TMEM217B: variants seen among roughly 807,000 people sequenced by gnomAD.
The protein encoded by TMEM217B is transmembrane protein 217B.
chr6:37,215,372 C>A, the TMEM217B span: 28 of 1,438,854 alleles, frequency 1.9e-5, no homozygotes, highest in Admixed American at 4.1e-5. Context: ...GTCAGGAGTT[C>A]AAGACCAGTC....
the TMEM217B span, among the ~76,000 whole-genome samples, chr6:37,216,370 C>T: frequency 5.3e-5 from 8 of 152,200 alleles, no homozygotes; most frequent in East Asian, 1.2e-3. Context: ...TGAGCCCCTG[C>T]GCCTGGCCCG....
At chr6:37,245,598 T>C in the TMEM217B span, among the ~76,000 whole-genome samples, 1 of 152,108 alleles carries the variant, frequency 6.6e-6, no homozygotes, top group Non-Finnish European at 1.5e-5. Context: ...ATGAGTTTCA[T>C]AGAGTGGGAA....
chr6:37,238,709 A>G, the TMEM217B span, among the ~76,000 whole-genome samples: 1 of 152,240 alleles, frequency 6.6e-6, no homozygotes, highest in East Asian at 1.9e-4. Context: ...TTACTGAAGC[A>G]ACAAGCATGA....
At chr6:37,212,227 A>G in the TMEM217B span, 1 of 334,588 alleles carries the variant, frequency 3.0e-6, no homozygotes, top group Non-Finnish European at 5.9e-6. Context: ...TGCTAAAACA[A>G]GTCACACAAC....
the TMEM217B span, among the ~76,000 whole-genome samples, chr6:37,243,883 G>T: frequency 2.5e-4 from 38 of 152,162 alleles, no homozygotes; most frequent in Non-Finnish European, 4.6e-4. Flanking sequence ...CCTCTGGATG[G>T]GGGGGTGCAC....
At chr6:37,250,385 TTAGTTTTATACA>T in the TMEM217B span, among the ~76,000 whole-genome samples, 1 of 152,190 alleles carries the variant, frequency 6.6e-6, no homozygotes, top group Admixed American at 6.5e-5. Context: ...ACTGTGCATA[TTAGTTTTATACA>T]TTCTCTTGTG....
the TMEM217B span, among the ~76,000 whole-genome samples, chr6:37,226,374 G>C: frequency 7.8e-6 from 1 of 128,930 alleles, no homozygotes; most frequent in Non-Finnish European, 1.6e-5. Context: ...CTCACTGCAA[G>C]CTCCGCCTCC....
chr6:37,221,947 G>A, the TMEM217B span, among the ~76,000 whole-genome samples: 1 of 152,122 alleles, frequency 6.6e-6, no homozygotes, highest in Non-Finnish European at 1.5e-5. Context: ...GTCTCTGCAG[G>A]TCTCTGAGGC....
chr6:37,216,810 A>G, the TMEM217B span, among the ~76,000 whole-genome samples: 1 of 152,188 alleles, frequency 6.6e-6, no homozygotes. Context: ...GTGACCTTAT[A>G]AAGGGACAGG....
chr6:37,244,307 G>A, the TMEM217B span, among the ~76,000 whole-genome samples: 111 of 152,352 alleles, frequency 7.3e-4, no homozygotes, highest in African/African-American at 2.5e-3. Flanking sequence ...TCTTACTGTC[G>A]TAGTTTTGCA....
chr6:37,243,106 A>C, the TMEM217B span, among the ~76,000 whole-genome samples: 1 of 151,910 alleles, frequency 6.6e-6, no homozygotes, highest in African/African-American at 2.4e-5. Flanking sequence ...CTGCCCCTAC[A>C]AAAAAAAGAG....
the TMEM217B span, among the ~76,000 whole-genome samples, chr6:37,245,257 G>T: frequency 6.6e-6 from 1 of 152,158 alleles, no homozygotes; most frequent in Non-Finnish European, 1.5e-5. Context: ...CACAGAGCTG[G>T]GTCACTGAAG....
At chr6:37,255,743 G>C in the TMEM217B span, among the ~76,000 whole-genome samples, 1 of 152,026 alleles carries the variant, frequency 6.6e-6, no homozygotes, top group Non-Finnish European at 1.5e-5. Context: ...AAGGGGCTAA[G>C]AGTGGAAGCA....
At chr6:37,216,129 A>T in the TMEM217B span, among the ~76,000 whole-genome samples, 2 of 152,052 alleles carry the variant, frequency 1.3e-5, no homozygotes, top group Non-Finnish European at 2.9e-5. Flanking sequence ...CCCAGGCTGC[A>T]GTGCAGTGGT....
chr6:37,252,635 A>ATTTTTTTTTT, the TMEM217B span, among the ~76,000 whole-genome samples: 4 of 60,392 alleles, frequency 6.6e-5, no homozygotes, highest in African/African-American at 1.2e-4. Flanking sequence ...ATATATATAT[A>ATTTTTTTTTT]TATTTTTTTT....
chr6:37,252,819 T>A, the TMEM217B span, among the ~76,000 whole-genome samples: 2 of 151,576 alleles, frequency 1.3e-5, no homozygotes, highest in Non-Finnish European at 2.9e-5. Context: ...TTTGTATTTT[T>A]GATAGAGATG....
the TMEM217B span, among the ~76,000 whole-genome samples, chr6:37,227,396 G>A: frequency 0.012 from 1,889 of 151,906 alleles, 28 homozygotes; most frequent in Middle Eastern, 0.068. Context: ...CCATCTATGC[G>A]GCAAAACTTC....
the TMEM217B span, chr6:37,218,168 A>AT: frequency 1.8e-6 from 2 of 1,127,432 alleles, no homozygotes; most frequent in South Asian, 5.7e-5. Flanking sequence ...AAAGCTGCTA[A>AT]CTTTTTTTTT....
At chr6:37,217,913 A>G in the TMEM217B span, 7 of 985,964 alleles carry the variant, frequency 7.1e-6, no homozygotes, top group Admixed American at 1.2e-4. Context: ...AGGTGAGTTC[A>G]CAGAAGTTTT....
Sources: allele counts gnomAD v4.1 joint callset (sites outside exome capture counted in the v4.1 genomes callset), GRCh38; gene constraint gnomAD v4.1.1; transcripts MANE v1.5; gene names NCBI Gene and HGNC (gene_info 2026-07-23, HGNC 2026-07-21).